The following TRPM3 variants were observed in gnomAD, a reference collection of about 807,000 sequenced individuals.
TRPM3 encodes the protein transient receptor potential cation channel subfamily M member 3.
In TRPM3, 77 loss-of-function variants were observed where a neutral mutation model predicts 181.2. The observed-to-expected ratio is 0.42, with a 90% CI of 0.35 to 0.51. The LOEUF (loss-of-function observed/expected upper bound fraction) is 0.51, where lower values mean the gene tolerates loss of function less well. TRPM3 is among the 20% of genes least tolerant of loss of function. The pLI is 0.01. For missense variants in TRPM3, 1,759 were observed against 2,196.7 expected (o/e 0.80, Z 3.98); for synonymous variants, 745 against 796.4 (o/e 0.94, Z 1.09).
At chr9:70,624,646 G>A (rs1291024107) in intron 14 of TRPM3, among the ~76,000 whole-genome samples, 2 of 152,042 alleles carry the variant, frequency 1.3e-5, no homozygotes, top group Non-Finnish European at 2.9e-5. Flanking sequence ...TATTTTTGTG[G>A]GGTCAGATTT....
chr9:70,674,954 A>C (rs1346330071), intron 9 of TRPM3, among the ~76,000 whole-genome samples: 4 of 151,974 alleles, frequency 2.6e-5, no homozygotes, highest in Non-Finnish European at 5.9e-5. Flanking sequence ...TTGTAATGGA[A>C]GATGGGTCAG....
chr9:70,843,045 G>A lies in TRPM3; in HGVS notation c.759C>T (p.Pro253=). 6.2e-7 allele frequency: 1 copy of A among 1,613,552 alleles called. No individual in the cohort carries two copies. Among genetic ancestry groups the A allele is most frequent in the Non-Finnish European group, 8.5e-7 (1 of 1,179,804 alleles). The change falls in exon 5 of 26, where the codon CCC becomes CCT. Residue 253 remains proline, a synonymous_variant. Coordinates refer to ENST00000677713, the MANE Select transcript of TRPM3 (RefSeq NM_001366145.2). ...CCTCCTGGTTTTCCACAATTCCCCA[G>A]GGGGCAATACCTATGGTGCATATCT... ...RGKICTIGIA[P]WGIVENQEDL... is the part of the protein sequence containing the mutation.
chr9:71,093,478 T>TA (rs77760323), intron 1 of TRPM3, among the ~76,000 whole-genome samples: 47,792 of 151,302 alleles, frequency 0.32, 8,478 homozygotes, highest in Middle Eastern at 0.4. Context: ...AACAGACATA[T>TA]AAAAAAAAAT....
At chr9:71,118,850 A>G (rs1049516202) in intron 1 of TRPM3, among the ~76,000 whole-genome samples, 5 of 152,168 alleles carry the variant, frequency 3.3e-5, no homozygotes, top group African/African-American at 4.8e-5. Context: ...AGGAAAGGAC[A>G]TAAGAAATAC....
At chr9:71,132,350 A>G (rs899321373) in intron 1 of TRPM3, among the ~76,000 whole-genome samples, 5 of 152,224 alleles carry the variant, frequency 3.3e-5, no homozygotes, top group African/African-American at 1.2e-4. Flanking sequence ...TTCAAAATAT[A>G]TATTTTTAGA....
intron 22 of TRPM3, among the ~76,000 whole-genome samples, chr9:70,560,048 T>C (rs1318095337): frequency 6.6e-6 from 1 of 152,166 alleles, no homozygotes; most frequent in Non-Finnish European, 1.5e-5. Context: ...GAGTGGAGAT[T>C]TGGGAATAAA....
chr9:71,247,834 A>C (rs924977588), intron 1 of TRPM3, among the ~76,000 whole-genome samples: 3 of 152,184 alleles, frequency 2.0e-5, no homozygotes, highest in Non-Finnish European at 4.4e-5. Flanking sequence ...CAATCATGAA[A>C]TAGGGTTTAA....
intron 1 of TRPM3, among the ~76,000 whole-genome samples, chr9:71,180,403 A>T (rs2077336368): frequency 6.6e-6 from 1 of 152,114 alleles, no homozygotes; most frequent in African/African-American, 2.4e-5. Flanking sequence ...TGTATTTCAA[A>T]TTCAATTCAC....
At chr9:71,430,361 T>A (rs932495391) in intron 1 of TRPM3, among the ~76,000 whole-genome samples, 1 of 152,170 alleles carries the variant, frequency 6.6e-6, no homozygotes, top group Non-Finnish European at 1.5e-5. Context: ...TTCTCTTATA[T>A]CCCTACCAGA....
chr9:71,122,880 T>C (rs1048532031), upstream of TRPM3, among the ~76,000 whole-genome samples: 22 of 152,352 alleles, frequency 1.4e-4, no homozygotes, highest in African/African-American at 4.8e-4. Context: ...ATAGATCTCA[T>C]ACACAGCTGA....
intron 1 of TRPM3, among the ~76,000 whole-genome samples, chr9:71,049,335 G>A (rs1403830636): frequency 6.6e-6 from 1 of 152,062 alleles, no homozygotes; most frequent in African/African-American, 2.4e-5. Flanking sequence ...TCATCTTTCA[G>A]AGTATGAGGA....
chr9:70,580,232 C>G (rs897981819), intron 22 of TRPM3, among the ~76,000 whole-genome samples: 1 of 152,146 alleles, frequency 6.6e-6, no homozygotes, highest in Non-Finnish European at 1.5e-5. Context: ...TTCAGTGACA[C>G]CTATGCATCC....
In TRPM3 at chr9:71,263,469, A is replaced by G. The variant is rs2083193192; in HGVS notation, c.183+183184T>C. 2.6e-5 allele frequency among the ~76,000 whole-genome samples: 4 copies of G among 152,218 alleles called. 1 individual carries two copies. The South Asian group carries it at 8.3e-4, about 31-fold the overall frequency. ...CTCTGAGTCTACAACAGTATCTTTCATCTTCCAACCTTTTGAGCAGTAGCT... is the reference window on the plus strand; with the variant it reads ...CTCTGAGTCTACAACAGTATCTTTCGTCTTCCAACCTTTTGAGCAGTAGCT... On this transcript the variant is annotated intron_variant, in intron 1 of 24. Coordinates refer to the TRPM3 transcript ENST00000357533.
intron 3 of TRPM3, among the ~76,000 whole-genome samples, chr9:70,852,661 T>C (rs1378419704): frequency 2.0e-5 from 3 of 152,196 alleles, no homozygotes; most frequent in Non-Finnish European, 4.4e-5. Flanking sequence ...CAGTCCCTTT[T>C]GGACCATATT....
chr9:71,155,476 G>T (rs2075947211), intron 1 of TRPM3, among the ~76,000 whole-genome samples: 1 of 51,322 alleles, frequency 1.9e-5, no homozygotes, highest in African/African-American at 6.3e-5. Flanking sequence ...GCACCACCAT[G>T]CTTATTTTTA....
At chr9:71,306,871 C>T (rs888923366) in intron 1 of TRPM3, among the ~76,000 whole-genome samples, 2 of 112,186 alleles carry the variant, frequency 1.8e-5, no homozygotes, top group Admixed American at 2.1e-4. Flanking sequence ...GACTCCGTCT[C>T]AACAACAACA....
At chr9:70,835,714 C>T (rs1349664748) in intron 5 of TRPM3, among the ~76,000 whole-genome samples, 1 of 152,064 alleles carries the variant, frequency 6.6e-6, no homozygotes, top group African/African-American at 2.4e-5. Flanking sequence ...TAATAATAAT[C>T]ATCCCATTGA....
At chr9:70,551,700 C>T (rs560844959) in intron 24 of TRPM3, among the ~76,000 whole-genome samples, 1 of 152,248 alleles carries the variant, frequency 6.6e-6, no homozygotes, top group Admixed American at 6.5e-5. Flanking sequence ...GCATGTTATC[C>T]ACTGCAGGCT....
intron 1 of TRPM3, among the ~76,000 whole-genome samples, chr9:71,095,444 G>A (rs1565183225): frequency 6.6e-6 from 1 of 152,000 alleles, no homozygotes. Context: ...TCTTAAACAG[G>A]TAGAAGACTA....
Sources: allele counts gnomAD v4.1 joint callset (sites outside exome capture counted in the v4.1 genomes callset), GRCh38; gene constraint gnomAD v4.1.1; transcripts MANE v1.5; gene names NCBI Gene and HGNC (gene_info 2026-07-23, HGNC 2026-07-21).